Variants in MEIKIN observed in about 807,000 individuals in gnomAD.
The protein encoded by MEIKIN is meiosis-specific kinetochore protein.
chr5:131,944,722 G>A lies in MEIKIN; in HGVS notation c.231C>T (p.Ser77=), dbSNP rs940108934. The change falls in exon 3 of 13, where the codon AGC becomes AGT. Residue 77 remains serine, a synonymous_variant. Coordinates refer to ENST00000442687, the MANE Select transcript of MEIKIN (RefSeq NM_001303622.2). The stretch of plus-strand genomic sequence containing the variant: ...CTTCACTAGACCTATTTTCTTGCAG[G>A]CTTTTCTCTCCTGTAACTCCTAAGC... ...SPRLGVTGEK[S]LQENRSSEDT... The A allele has an allele frequency of 2.5e-6, 1 of 398,886 alleles. No individual in the cohort carries two copies. The highest frequency in any genetic ancestry group is 2.1e-5 in the African/African-American group (1 of 48,608). 24.7% of individuals were successfully genotyped at this position (398,886 alleles called of 1,614,324 possible). A position where few individuals can be genotyped will look rare whatever the true frequency, so the allele number is the denominator to read the frequency against.
intron 11 of MEIKIN, among the ~76,000 whole-genome samples, chr5:131,839,487 A>G (rs551949390): frequency 5.9e-5 from 9 of 152,300 alleles, no homozygotes; most frequent in East Asian, 3.9e-4. Flanking sequence ...GTGAAAGTCT[A>G]ATTCTCTTTG....
intron 8 of MEIKIN, among the ~76,000 whole-genome samples, chr5:131,898,924 G>A (rs770052620): frequency 7.3e-4 from 111 of 152,248 alleles, no homozygotes; most frequent in Middle Eastern, 3.4e-3. Flanking sequence ...TGCCTTCCAC[G>A]GGCTGTACCC....
chr5:131,858,404 A>C (rs1437874207), intron 9 of MEIKIN, among the ~76,000 whole-genome samples: 1 of 152,164 alleles, frequency 6.6e-6, no homozygotes, highest in Non-Finnish European at 1.5e-5. Flanking sequence ...ACTGAAACTG[A>C]ACTCCTTCCT....
intron 9 of MEIKIN, among the ~76,000 whole-genome samples, chr5:131,863,993 T>C (rs907145366): frequency 1.3e-5 from 2 of 152,220 alleles, no homozygotes; most frequent in East Asian, 3.8e-4. Context: ...ATCTCGGGTA[T>C]GTTTTTATCA....
chr5:131,885,241 T>C (rs922142423), intron 8 of MEIKIN, among the ~76,000 whole-genome samples: 7 of 151,950 alleles, frequency 4.6e-5, no homozygotes, highest in Admixed American at 3.3e-4. Context: ...AGTGCTGTGC[T>C]GGCTTTAGTT....
intron 8 of MEIKIN, among the ~76,000 whole-genome samples, chr5:131,880,033 C>T (rs1174701011): frequency 6.6e-6 from 1 of 151,672 alleles, no homozygotes; most frequent in Non-Finnish European, 1.5e-5. Flanking sequence ...AATTCTCCTG[C>T]CTCAGCCTCC....
chr5:131,914,530 G>A (rs1471417838), intron 7 of MEIKIN, among the ~76,000 whole-genome samples: 2 of 135,718 alleles, frequency 1.5e-5, no homozygotes, highest in Non-Finnish European at 3.2e-5. Context: ...GAAGGGAGGG[G>A]AGGGGAGGGG....
At chr5:131,944,644 C>G (rs1751930779) in intron 3 of MEIKIN, 21 bp downstream of exon 3, 2 of 398,950 alleles carry the variant, frequency 5.0e-6, no homozygotes, top group South Asian at 2.5e-4. Context: ...TGTCCAAGGA[C>G]TAAAAGAGAA....
intron 4 of MEIKIN, among the ~76,000 whole-genome samples, chr5:131,936,396 C>T (rs1466549371): frequency 6.6e-6 from 1 of 152,180 alleles, no homozygotes. Flanking sequence ...ACCTCCTTTA[C>T]ATTTCTAAAT....
chr5:131,880,264 AT>A (rs67579794), intron 8 of MEIKIN, among the ~76,000 whole-genome samples: 5,780 of 138,306 alleles, frequency 0.042, 277 homozygotes, highest in African/African-American at 0.12. Context: ...TAATTTTTGT[AT>A]TTTTTTTTTT....
intron 11 of MEIKIN, 51 bp downstream of exon 11, chr5:131,851,213 G>A (rs1011007228): frequency 7.6e-6 from 3 of 395,958 alleles, no homozygotes; most frequent in Non-Finnish European, 8.9e-6. Context: ...AGTATCTAAT[G>A]TAACAGTAAT....
intron 11 of MEIKIN, among the ~76,000 whole-genome samples, chr5:131,832,985 C>T (rs1425569860): frequency 1.3e-5 from 2 of 152,252 alleles, no homozygotes; most frequent in Non-Finnish European, 2.9e-5. Flanking sequence ...ACATTTTCCC[C>T]ATTGTCTTGG....
intron 10 of MEIKIN, among the ~76,000 whole-genome samples, chr5:131,851,664 C>A (rs530658085): frequency 1.3e-5 from 2 of 152,234 alleles, no homozygotes; most frequent in South Asian, 4.2e-4. Context: ...CTATGATACA[C>A]CAGAGATTTT....
intron 8 of MEIKIN, among the ~76,000 whole-genome samples, chr5:131,900,379 T>C (rs1392026289): frequency 6.6e-6 from 1 of 152,184 alleles, no homozygotes; most frequent in East Asian, 1.9e-4. Flanking sequence ...CTGGGACTCA[T>C]TCCTGGCCCC....
intron 9 of MEIKIN, among the ~76,000 whole-genome samples, chr5:131,864,624 T>C (rs915853968): frequency 1.3e-5 from 2 of 152,242 alleles, no homozygotes; most frequent in Admixed American, 6.5e-5. Flanking sequence ...TATGACTAGA[T>C]ACTTTTCTCC....
At chr5:131,943,755 TA>T (rs1001127957) in intron 3 of MEIKIN, among the ~76,000 whole-genome samples, 1 of 152,142 alleles carries the variant, frequency 6.6e-6, no homozygotes, top group Non-Finnish European at 1.5e-5. Flanking sequence ...AAAAGCCTTT[TA>T]AAAAAATGTC....
chr5:131,833,475 G>C (rs373083189), intron 11 of MEIKIN, among the ~76,000 whole-genome samples: 3 of 152,180 alleles, frequency 2.0e-5, no homozygotes, highest in African/African-American at 7.2e-5. Context: ...CCTCAAAACT[G>C]TTCCAACTTC....
At chr5:131,844,002 G>T (rs1243840672) in intron 11 of MEIKIN, among the ~76,000 whole-genome samples, 3 of 152,152 alleles carry the variant, frequency 2.0e-5, no homozygotes, top group Non-Finnish European at 4.4e-5. Flanking sequence ...AGTTATGGCT[G>T]GGGAGGCCTC....
At chr5:131,838,416 T>C (rs188258231) in intron 11 of MEIKIN, among the ~76,000 whole-genome samples, 1 of 152,290 alleles carries the variant, frequency 6.6e-6, no homozygotes, top group Non-Finnish European at 1.5e-5. Flanking sequence ...TTTAATAGTT[T>C]AAATAGAAAT....
Sources: allele counts gnomAD v4.1 joint callset (sites outside exome capture counted in the v4.1 genomes callset), GRCh38; gene constraint gnomAD v4.1.1; transcripts MANE v1.5; gene names NCBI Gene and HGNC (gene_info 2026-07-23, HGNC 2026-07-21).